STOX1: variants seen among roughly 807,000 people sequenced by gnomAD.
STOX1 encodes the protein storkhead box 1.
STOX1 carries 57 observed loss-of-function variants against 74.8 expected under a neutral mutation model. The observed-to-expected ratio is 0.76, with a 90% CI of 0.62 to 0.95. STOX1 has a LOEUF of 0.95. Among genes scored for constraint, STOX1 ranks in the 40% least tolerant of loss-of-function variants. STOX1 has a pLI of 0.00. For synonymous variants in STOX1, 375 were observed against 401.3 expected (o/e 0.93, Z 0.78); for missense variants, 1,010 against 1,117.0 (o/e 0.90, Z 1.37).
intron 1 of STOX1, among the ~76,000 whole-genome samples, chr10:68,861,852 A>C (rs1840275751): frequency 6.6e-6 from 1 of 152,092 alleles, no homozygotes; most frequent in African/African-American, 2.4e-5. Context: ...CCAAAGACAA[A>C]GTTTGTAGAG....
chr10:68,828,163 G>A (rs1308256807), intron 1 of STOX1: 5 of 589,764 alleles, frequency 8.5e-6, no homozygotes, highest in East Asian at 1.2e-4. Context: ...GGCTGCGGCG[G>A]GGGGTGCTGC....
In STOX1 at chr10:68,892,685, A is replaced by G. The variant is rs750673394; in HGVS notation, c.2919A>G (p.Gln973=). 1.4e-5 allele frequency: 23 copies of G among 1,613,924 alleles called. No homozygotes were observed. The highest frequency in any genetic ancestry group is 6.7e-5 in the African/African-American group (5 of 74,940). ...LQNVEGTKSS[Q]PLTSNSLLPL... ...ATGTCGAAGGCACAAAGAGCAGTCA[A>G]CCACTCACATCTAATTCCTTACTAC... Residue 973 remains glutamine (Q), a synonymous_variant, in exon 4 of 4, where the codon CAA becomes CAG. Transcript: ENST00000298596.
At chr10:68,836,776 C>T (rs1839566527) in intron 1 of STOX1, among the ~76,000 whole-genome samples, 1 of 152,254 alleles carries the variant, frequency 6.6e-6, no homozygotes, top group Non-Finnish European at 1.5e-5. Flanking sequence ...GCCTTCCCAC[C>T]TAGCTTGGCC....
At chr10:68,829,236 A>G (rs1839345075) in intron 1 of STOX1, among the ~76,000 whole-genome samples, 2 of 152,268 alleles carry the variant, frequency 1.3e-5, no homozygotes. Flanking sequence ...GCACTTTGAG[A>G]GGCCGAGGCA....
At chr10:68,837,511 G>A (rs994546348) in intron 1 of STOX1, among the ~76,000 whole-genome samples, 1 of 152,214 alleles carries the variant, frequency 6.6e-6, no homozygotes, top group African/African-American at 2.4e-5. Flanking sequence ...GCATGTATGT[G>A]ATTATATTTA....
chr10:68,835,388 G>A (rs1839521595), intron 1 of STOX1, among the ~76,000 whole-genome samples: 1 of 151,492 alleles, frequency 6.6e-6, no homozygotes, highest in South Asian at 2.1e-4. Context: ...CTGTCATCCA[G>A]GCTAGCTCAC....
chr10:68,867,231 C>T (rs375871164), intron 1 of STOX1, among the ~76,000 whole-genome samples: 1 of 152,108 alleles, frequency 6.6e-6, no homozygotes, highest in Admixed American at 6.6e-5. Context: ...AGGTGTGAGC[C>T]ACCGTGCCTG....
At chr10:68,850,728 C>T (rs1817125492) in intron 1 of STOX1, among the ~76,000 whole-genome samples, 1 of 152,194 alleles carries the variant, frequency 6.6e-6, no homozygotes, top group Non-Finnish European at 1.5e-5. Context: ...AATCCCAGCA[C>T]TGGGAGGCCA....
chr10:68,840,807 C>T (rs1839673950), intron 1 of STOX1, among the ~76,000 whole-genome samples: 1 of 152,010 alleles, frequency 6.6e-6, no homozygotes, highest in Non-Finnish European at 1.5e-5. Flanking sequence ...GGTAATCTGC[C>T]GCCTCGGCCT....
At chr10:68,846,069 A>G (rs1055170034) in intron 1 of STOX1, among the ~76,000 whole-genome samples, 2 of 151,314 alleles carry the variant, frequency 1.3e-5, no homozygotes, top group African/African-American at 2.4e-5. Flanking sequence ...TAAATCTATA[A>G]TGCATTTCAT....
chr10:68,852,510 G>A (rs1156871714), intron 1 of STOX1, among the ~76,000 whole-genome samples: 12 of 151,660 alleles, frequency 7.9e-5, no homozygotes, highest in African/African-American at 2.4e-4. Flanking sequence ...CACCAGCCTC[G>A]GCCTCCCAAA....
intron 1 of STOX1, among the ~76,000 whole-genome samples, chr10:68,845,849 G>C (rs895177580): frequency 1.3e-5 from 2 of 151,594 alleles, no homozygotes. Flanking sequence ...TGATCTACCC[G>C]CCTCGGCCTG....
chr10:68,890,894 T>C lies in STOX1; in HGVS notation c.2823-1695T>C, dbSNP rs141645626. 3.0e-3 allele frequency among the ~76,000 whole-genome samples: 461 copies of C among 152,204 alleles called. 4 individuals carry two copies. The highest frequency in any genetic ancestry group is 0.01 in the African/African-American group (431 of 41,538). ...CTCAAACTCCTGACCTCAAGTGATC[T>C]ACCTGCCTTAGCCTCCCAAAGTGCT... On this transcript the variant is annotated intron_variant, in intron 3 of 3. Transcript: ENST00000298596.
intron 1 of STOX1, among the ~76,000 whole-genome samples, chr10:68,866,323 G>A (rs1840403564): frequency 6.6e-6 from 1 of 152,170 alleles, no homozygotes; most frequent in Non-Finnish European, 1.5e-5. Flanking sequence ...GGCCAGTGCT[G>A]TAGAGAAATG....
At chr10:68,833,552 G>T (rs1325612510) in intron 1 of STOX1, among the ~76,000 whole-genome samples, 1 of 152,090 alleles carries the variant, frequency 6.6e-6, no homozygotes, top group Non-Finnish European at 1.5e-5. Context: ...TGAACAAGCA[G>T]GGGGTACGTG....
At chr10:68,849,646 C>A (rs1182168560) in intron 1 of STOX1, among the ~76,000 whole-genome samples, 1 of 152,080 alleles carries the variant, frequency 6.6e-6, no homozygotes, top group Non-Finnish European at 1.5e-5. Context: ...TGCACAAGGC[C>A]TCTCCCATCT....
Position 68,892,890 on chromosome 10 carries a change from T to G in STOX1, c.*154T>G, listed in dbSNP as rs1235744739. ...TACACATTTTGTTCTAATTACTGGCTTTTTTTCCTCTTTTGGTGTCTTAAG... is the reference window on the plus strand; with the variant it reads ...TACACATTTTGTTCTAATTACTGGCGTTTTTTCCTCTTTTGGTGTCTTAAG... On this transcript the variant is annotated 3_prime_UTR_variant, in exon 4 of 4. Coordinates refer to ENST00000298596, the MANE Select transcript of STOX1 (RefSeq NM_152709.5). 5 of 844,972 alleles carry G rather than the reference T, an allele frequency of 5.9e-6. No individual in the cohort carries two copies. In the East Asian group the frequency reaches 1.1e-4, roughly 19 times the overall value. 52.3% of individuals were successfully genotyped at this position (844,972 alleles called of 1,614,324 possible).
At position 68,886,344 on chromosome 10, in the gene STOX1, G is replaced by A; in HGVS notation, c.2548G>A (p.Ala850Thr). The A allele has an allele frequency of 1.9e-6, 3 of 1,614,186 alleles. No homozygotes were observed. The highest frequency in any genetic ancestry group is 1.7e-6 in the Non-Finnish European group (2 of 1,180,038). Reference protein sequence around the residue: ...VAKCVQASAPADERIFDYYSA... With the variant: ...VAKCVQASAPTDERIFDYYSA... The stretch of plus-strand genomic sequence containing the variant: ...TAAATGTGTACAGGCCTCAGCACCT[G>A]CTGATGAAAGAATCTTTGATTACTA... Residue 850 changes from alanine to threonine, a missense_variant, in exon 3 of 4, where the codon GCT becomes ACT. Transcript: ENST00000298596.
At chr10:68,829,675 C>T (rs1839356335) in intron 1 of STOX1, among the ~76,000 whole-genome samples, 1 of 152,118 alleles carries the variant, frequency 6.6e-6, no homozygotes, top group Admixed American at 6.6e-5. Flanking sequence ...TGCTTTAAAC[C>T]TTCACTTCTC....
Sources: allele counts gnomAD v4.1 joint callset (sites outside exome capture counted in the v4.1 genomes callset), GRCh38; gene constraint gnomAD v4.1.1; transcripts MANE v1.5; gene names NCBI Gene and HGNC (gene_info 2026-07-23, HGNC 2026-07-21).